Variants in TENM1 observed in about 807,000 individuals in gnomAD.
TENM1 encodes teneurin-1.
TENM1 carries 35 observed loss-of-function variants against 174.8 expected under a neutral mutation model. That is an observed-to-expected ratio of 0.20 (90% CI 0.15 to 0.27). The LOEUF (loss-of-function observed/expected upper bound fraction) is 0.27, where lower values mean the gene tolerates loss of function less well. Among genes scored for constraint, TENM1 ranks in the 10% least tolerant of loss-of-function variants. The probability of loss-of-function intolerance (pLI) is 1.00; values close to 1 mark genes in which losing one functional copy is unlikely to be tolerated. For synonymous variants in TENM1, 781 were observed against 798.7 expected, an observed-to-expected ratio of 0.98 and a Z score of 0.37; for missense variants, 1,633 against 2,130.1, an observed-to-expected ratio of 0.77 and a Z score of 4.59.
intron 1 of TENM1, among the ~76,000 whole-genome samples, chrX:124,897,730 T>A (rs2057587337): frequency 8.9e-6 from 1 of 112,331 alleles, no homozygotes; most frequent in South Asian, 3.7e-4. Flanking sequence ...TGTTACCTTT[T>A]GATTTCCATG....
chrX:124,708,986 T>C (rs1250395703), intron 4 of TENM1, among the ~76,000 whole-genome samples: 2 of 111,570 alleles, frequency 1.8e-5, no homozygotes, highest in Non-Finnish European at 3.8e-5. Flanking sequence ...GTCTCCAATT[T>C]TGATCCTTAT....
At chrX:124,904,693 T>C (rs1422590192) in intron 1 of TENM1, among the ~76,000 whole-genome samples, 3 of 112,078 alleles carry the variant, frequency 2.7e-5, no homozygotes, top group Non-Finnish European at 5.6e-5. Flanking sequence ...CTGACTGAAA[T>C]AGTCACACAA....
intron 3 of TENM1, among the ~76,000 whole-genome samples, chrX:124,827,235 G>C (rs1255984840): frequency 9.0e-6 from 1 of 111,341 alleles, no homozygotes; most frequent in East Asian, 2.8e-4. Context: ...ATTTTTAGTA[G>C]AGACGGGGTT....
At chrX:124,928,599 G>A (rs1029612480) in intron 1 of TENM1, among the ~76,000 whole-genome samples, 2 of 111,741 alleles carry the variant, frequency 1.8e-5, no homozygotes, top group Non-Finnish European at 1.9e-5. Flanking sequence ...TACAACTTTG[G>A]CACATTACCC....
At chrX:125,091,888 G>A in the TENM1 span, among the ~76,000 whole-genome samples, 37 of 106,311 alleles carry the variant, frequency 3.5e-4, no homozygotes, top group Admixed American at 3.8e-3. Flanking sequence ...GGGAGGCTGA[G>A]GCAGGAGAAT....
the TENM1 span, among the ~76,000 whole-genome samples, chrX:124,981,093 T>A: frequency 8.9e-6 from 1 of 111,733 alleles, no homozygotes; most frequent in Non-Finnish European, 1.9e-5. Context: ...AATATTGAAC[T>A]TTCACACACA....
chrX:124,715,609 C>CT (rs1216628710), intron 4 of TENM1, among the ~76,000 whole-genome samples: 3 of 107,802 alleles, frequency 2.8e-5, no homozygotes, highest in African/African-American at 1.0e-4. Flanking sequence ...CTTCTCTTTT[C>CT]TTTTTTTTTC....
chrX:124,627,204 G>A (rs191281190), intron 11 of TENM1, among the ~76,000 whole-genome samples: 9 of 111,264 alleles, frequency 8.1e-5, no homozygotes, highest in African/African-American at 2.9e-4. Flanking sequence ...TGCCTTAAGT[G>A]AGGGGCAGCT....
chrX:124,859,606 G>T (rs1328082238), intron 3 of TENM1, among the ~76,000 whole-genome samples: 3 of 109,910 alleles, frequency 2.7e-5, no homozygotes, highest in Non-Finnish European at 5.7e-5. Flanking sequence ...GATGATAACT[G>T]TGGAAGTGTA....
chrX:125,106,262 G>T, the TENM1 span, among the ~76,000 whole-genome samples: 3 of 111,523 alleles, frequency 2.7e-5, no homozygotes, highest in African/African-American at 9.8e-5. Context: ...GTTCACTTAC[G>T]TATTTGTTTG....
rs758742047 is a variant in TENM1, at chrX:124,514,813, A to G, written c.3301+5704T>C. Among the ~76,000 whole-genome samples the G allele has an allele frequency of 2.8e-4, 31 of 111,200 alleles. No homozygotes were observed. The East Asian group carries it at 3.4e-3, about 12-fold the overall frequency. On this transcript the variant is annotated intron_variant, in intron 18 of 31. Coordinates refer to ENST00000422452, the Ensembl canonical transcript of TENM1. The stretch of plus-strand genomic sequence containing the variant: ...TACCATTCCCACCAGAATTATTCCA[A>G]AAAATTGAGGAGGGAATCCTCCCCA...
chrX:124,671,974 C>T lies in TENM1; in HGVS notation c.1016-139G>A. 6 of 534,292 alleles carry T rather than the reference C, an allele frequency of 1.1e-5. No homozygotes were observed. In the South Asian group the frequency reaches 2.2e-4, roughly 20 times the overall value. 44.0% of individuals were successfully genotyped at this position (534,292 alleles called of 1,213,427 possible). ...AAGTAACTGGGAGTTTATACCTATA[C>T]ATCATACATGTAGCTACTTACATGC... On this transcript the variant is annotated intron_variant, in intron 5 of 31. Transcript: ENST00000422452.
In TENM1 at chrX:124,502,790, C is replaced by G. The variant is rs1335364608; in HGVS notation, c.3445+770G>C. On this transcript the variant is annotated intron_variant, in intron 19 of 31. Coordinates refer to ENST00000422452, the Ensembl canonical transcript of TENM1. ...CCACACTGGGACTATAGTAGGCGGT[C>G]TCTTTCTATGGTTGAAGTAAATCTG... Among the ~76,000 whole-genome samples the G allele has an allele frequency of 2.7e-5, 3 of 112,221 alleles. No homozygotes were observed. The East Asian group carries it at 8.5e-4, about 32-fold the overall frequency.
chrX:125,182,037 G>A, the TENM1 span, among the ~76,000 whole-genome samples: 16 of 111,070 alleles, frequency 1.4e-4, no homozygotes, highest in East Asian at 2.9e-4. Flanking sequence ...AGATCCAGGG[G>A]TCAGAAGCCT....
At chrX:124,565,968 A>G (rs1469864065) in intron 11 of TENM1, among the ~76,000 whole-genome samples, 1 of 112,285 alleles carries the variant, frequency 8.9e-6, no homozygotes, top group Non-Finnish European at 1.9e-5. Context: ...GAAGTCTATA[A>G]AATGATAATG....
intron 1 of TENM1, among the ~76,000 whole-genome samples, chrX:124,906,010 C>T (rs1012134380): frequency 2.7e-5 from 3 of 111,904 alleles, no homozygotes; most frequent in Non-Finnish European, 3.8e-5. Flanking sequence ...ATAGATGTTC[C>T]TCGACTTACA....
the TENM1 span, among the ~76,000 whole-genome samples, chrX:125,194,207 C>T: frequency 9.8e-4 from 109 of 111,503 alleles, 1 homozygote; most frequent in Non-Finnish European, 1.9e-3. Flanking sequence ...TTCTGTGTTC[C>T]CTATTCTGCT....
chrX:124,707,323 T>C (rs2052933141), intron 4 of TENM1, among the ~76,000 whole-genome samples: 1 of 111,877 alleles, frequency 8.9e-6, no homozygotes, highest in Non-Finnish European at 1.9e-5. Flanking sequence ...TATAAACTTT[T>C]TTCTTTTCTT....
At chrX:124,857,344 C>T (rs767672086) in intron 3 of TENM1, among the ~76,000 whole-genome samples, 9 of 111,202 alleles carry the variant, frequency 8.1e-5, no homozygotes, top group Non-Finnish European at 1.5e-4. Flanking sequence ...GGAAACAATC[C>T]AAATGTCCAT....
Sources: gnomAD v4.1 joint callset for allele counts (sites outside exome capture counted in the v4.1 genomes callset) on GRCh38, gnomAD v4.1.1 for gene constraint, MANE v1.5 for transcripts, NCBI Gene and HGNC (gene_info 2026-07-23, HGNC 2026-07-21) for gene names.